The following SLC30A10 variants were observed in gnomAD, a reference collection of about 807,000 sequenced individuals.
The protein encoded by SLC30A10 is calcium/manganese antiporter SLC30A10.
A neutral mutation model predicts 21.7 loss-of-function variants in SLC30A10; 8 were observed. The observed-to-expected ratio is 0.37, with a 90% CI of 0.22 to 0.67. The LOEUF (loss-of-function observed/expected upper bound fraction) is 0.67, where lower values mean the gene tolerates loss of function less well. SLC30A10 is among the 30% of genes least tolerant of loss of function. SLC30A10 has a pLI of 0.58. For synonymous variants in SLC30A10, 272 were observed against 279.4 expected (o/e 0.97, Z 0.26); for missense variants, 521 against 642.5 (o/e 0.81, Z 2.04).
intron 1 of SLC30A10, among the ~76,000 whole-genome samples, chr1:219,942,399 G>A (rs1406325949): frequency 6.6e-6 from 1 of 151,874 alleles, no homozygotes; most frequent in Admixed American, 6.5e-5. Flanking sequence ...CTTGATCAAA[G>A]GTTGAACCAA....
At chr1:219,926,270 C>T (rs1418510042) in intron 2 of SLC30A10, among the ~76,000 whole-genome samples, 1 of 152,206 alleles carries the variant, frequency 6.6e-6, no homozygotes, top group East Asian at 1.9e-4. Context: ...GCCCCACTTA[C>T]AGGCTTTCCC....
chr1:219,911,149 G>GATTTTTTTTTTTTTTTTTTTTTTTTTTTT lies in SLC30A10; in HGVS notation c.*4299_*4300insAAAAAAAAAAAAAAAAAAAAAAAAAAAAT, dbSNP rs1659400796. ...ATGTTTCTTCATTTTTTCTACATCA[G>GATTTTTTTTTTTTTTTTTTTTTTTTTTTT]TTTTTTTTTTTTTTTTTTTTTTTTT... On this transcript the variant is annotated 3_prime_UTR_variant, in exon 4 of 4. Transcript: ENST00000366926. Among the ~76,000 whole-genome samples the GATTTTTTTTTTTTTTTTTTTTTTTTTTTT allele has an allele frequency of 2.0e-5, 1 of 49,400 alleles. No individual in the cohort carries two copies. The highest frequency in any genetic ancestry group is 4.5e-5 in the Non-Finnish European group (1 of 22,434). 32.4% of individuals were successfully genotyped at this position (49,400 alleles called of 152,430 possible).
chr1:219,950,367 C>T (rs1190876669), intron 1 of SLC30A10, among the ~76,000 whole-genome samples: 8 of 152,260 alleles, frequency 5.3e-5, no homozygotes, highest in Admixed American at 4.6e-4. Flanking sequence ...TGGCTGGGCG[C>T]GGTGGCTCAT....
rs768822211 is a variant in SLC30A10, at chr1:219,928,354, G to A, written c.87C>T (p.Gly29=). The change falls in exon 1 of 4, where the codon GGC becomes GGT. Residue 29 remains glycine (G), a synonymous_variant. Transcript: ENST00000366926. The surrounding 1 kb of genome is among the most constrained non-coding windows in gnomAD (Gnocchi z 6.3). The stretch of plus-strand genomic sequence containing the variant: ...GCAGCGCGATGGAGTTGCCCAGGTA[G>A]CCGGAGACCAGCTCCGCCACGAAGA... ...VAFFVAELVS[G]YLGNSIALLS... The A allele has an allele frequency of 6.2e-6, 10 of 1,613,246 alleles. No homozygotes were observed. The highest frequency in any genetic ancestry group is 6.8e-6 in the Non-Finnish European group (8 of 1,179,742).
Position 219,918,345 on chromosome 1 carries a change from T to C in SLC30A10, c.868A>G (p.Ile290Val). ...DPSLTVLMVI[I>V]ILSSAFPLIK... ...AGCGGGAAGGCAGATGACAAAATGA[T>C]GATGACCATGAGGACAGTCAGGCTG... Residue 290 changes from isoleucine (I) to valine (V), a missense_variant, in exon 3 of 4, where the codon ATC becomes GTC. Physicochemically the swap from Ile to Val is conservative, Grantham distance 29. Coordinates refer to ENST00000366926, the MANE Select transcript of SLC30A10 (RefSeq NM_018713.3). The surrounding 1 kb of genome is among the most constrained non-coding windows in gnomAD (Gnocchi z 4.4). The C allele has an allele frequency of 6.2e-7, 1 of 1,614,158 alleles. No individual in the cohort carries two copies. Among genetic ancestry groups the C allele is most frequent in the South Asian group, 1.1e-5 (1 of 91,074 alleles).
intron 1 of SLC30A10, among the ~76,000 whole-genome samples, chr1:219,948,461 A>G (rs1660221514): frequency 6.6e-6 from 1 of 152,212 alleles, no homozygotes; most frequent in Non-Finnish European, 1.5e-5. Flanking sequence ...AATGCCACGT[A>G]TCTACAACTA....
intron 1 of SLC30A10, 55 bp downstream of exon 1, chr1:219,927,746 G>A (rs1238486566): frequency 7.0e-7 from 1 of 1,435,006 alleles, no homozygotes; most frequent in Admixed American, 3.0e-5. Context: ...GAAAGGGACC[G>A]GGTGGGAGGA....
intron 1 of SLC30A10, among the ~76,000 whole-genome samples, chr1:219,951,205 C>T (rs1296828786): frequency 2.0e-5 from 3 of 151,894 alleles, no homozygotes; most frequent in Admixed American, 2.0e-4. Context: ...AAGCAATCCA[C>T]CCACTTCAGC....
intron 1 of SLC30A10, among the ~76,000 whole-genome samples, chr1:219,957,390 C>G (rs986936715): frequency 5.3e-5 from 8 of 152,060 alleles, no homozygotes; most frequent in Non-Finnish European, 1.2e-4. Context: ...CCTCTGAGGT[C>G]CCCATACTCA....
chr1:219,958,850 C>CA (rs1384970971), upstream of SLC30A10, among the ~76,000 whole-genome samples: 4 of 152,094 alleles, frequency 2.6e-5, no homozygotes, highest in South Asian at 2.1e-4. Context: ...GCCCTTACAC[C>CA]AAAAAAACCT....
chr1:219,935,178 C>T (rs559170367), intron 1 of SLC30A10, among the ~76,000 whole-genome samples: 14 of 152,092 alleles, frequency 9.2e-5, no homozygotes, highest in Admixed American at 6.5e-4. Flanking sequence ...AGAGAAAAAC[C>T]CCTTGATGTT....
rs552333290 is a variant in SLC30A10 at position 219,943,721 on chromosome 1, C to T, written n.80+14847G>A. On this transcript the variant is annotated intron_variant and non_coding_transcript_variant, in intron 1 of 8. Coordinates refer to the SLC30A10 transcript ENST00000484239. Reference sequence around the variant, plus strand: ...AATACATTTGAAACAAATAAAAATACGGAAAGTCTCAGCAAAGAAATAGAA... The same window carrying T: ...AATACATTTGAAACAAATAAAAATATGGAAAGTCTCAGCAAAGAAATAGAA... Among the ~76,000 whole-genome samples the T allele has an allele frequency of 4.5e-4, 68 of 152,122 alleles. No homozygotes were observed. In the East Asian group the frequency reaches 0.011, roughly 26 times the overall value.
intron 2 of SLC30A10, among the ~76,000 whole-genome samples, chr1:219,925,758 C>T (rs1659806869): frequency 7.0e-6 from 1 of 142,838 alleles, no homozygotes; most frequent in South Asian, 2.4e-4. Context: ...GGGGTTCAAG[C>T]AATTCTCCTG....
At chr1:219,952,581 C>T (rs1419983835) in intron 1 of SLC30A10, among the ~76,000 whole-genome samples, 5 of 152,046 alleles carry the variant, frequency 3.3e-5, no homozygotes, top group Non-Finnish European at 4.4e-5. Context: ...TGGAATTTGT[C>T]TGAACCTGTT....
At chr1:219,937,215 T>C (rs773998101) in intron 1 of SLC30A10, among the ~76,000 whole-genome samples, 3 of 152,222 alleles carry the variant, frequency 2.0e-5, no homozygotes, top group Non-Finnish European at 4.4e-5. Flanking sequence ...TGGAAAAATC[T>C]GAGTACAGCC....
intron 1 of SLC30A10, among the ~76,000 whole-genome samples, chr1:219,937,639 C>A (rs1406392990): frequency 6.6e-6 from 1 of 152,208 alleles, no homozygotes; most frequent in Non-Finnish European, 1.5e-5. Flanking sequence ...CATGGCAAAA[C>A]CCCATCTCTA....
intron 1 of SLC30A10, among the ~76,000 whole-genome samples, chr1:219,939,440 T>G (rs1039319246): frequency 1.3e-5 from 2 of 152,148 alleles, no homozygotes; most frequent in Admixed American, 6.5e-5. Flanking sequence ...TCCTTTTTTT[T>G]TCTTTGAGAC....
intron 1 of SLC30A10, among the ~76,000 whole-genome samples, chr1:219,948,678 T>G (rs1184421536): frequency 1.3e-5 from 2 of 152,126 alleles, no homozygotes; most frequent in Non-Finnish European, 2.9e-5. Context: ...AACCTATGCA[T>G]TACCATTAAG....
At chr1:219,919,384 C>T (rs1449204224) in intron 2 of SLC30A10, among the ~76,000 whole-genome samples, 1 of 152,084 alleles carries the variant, frequency 6.6e-6, no homozygotes, top group Non-Finnish European at 1.5e-5. Flanking sequence ...GTATAGTTTG[C>T]AAACCAGCAG....
Sources: gnomAD v4.1 joint callset for allele counts (sites outside exome capture counted in the v4.1 genomes callset) on GRCh38, gnomAD v4.1.1 for gene constraint, Gnocchi (gnomAD v3.1) non-coding constraint, MANE v1.5 for transcripts, NCBI Gene and HGNC (gene_info 2026-07-23, HGNC 2026-07-21) for gene names.